The following ENTREP2 variants were observed in gnomAD, a reference collection of about 807,000 sequenced individuals.
ENTREP2 encodes the protein endosomal transmembrane epsin interactor 2, also known as protein ENTREP2.
the ENTREP2 span, among the ~76,000 whole-genome samples, chr15:29,369,987 T>G: frequency 6.6e-6 from 1 of 152,338 alleles, no homozygotes; most frequent in Admixed American, 6.5e-5. Flanking sequence ...GGAGATGCGA[T>G]TGTCCAATCT....
chr15:29,165,606 ATAAC>A, the ENTREP2 span, among the ~76,000 whole-genome samples: 9 of 152,330 alleles, frequency 5.9e-5, no homozygotes, highest in African/African-American at 2.2e-4. Flanking sequence ...CTGGAAAGAT[ATAAC>A]CCTCCTAGCT....
chr15:29,590,144 G>A, the ENTREP2 span, among the ~76,000 whole-genome samples: 1 of 152,168 alleles, frequency 6.6e-6, no homozygotes, highest in Non-Finnish European at 1.5e-5. Context: ...GTGTTGGAAT[G>A]GGAAGAAGGC....
the ENTREP2 span, among the ~76,000 whole-genome samples, chr15:29,556,244 G>A: frequency 6.6e-6 from 1 of 152,162 alleles, no homozygotes; most frequent in African/African-American, 2.4e-5. Flanking sequence ...GCTGTAGAGA[G>A]AGACCCTGTT....
chr15:29,517,569 A>C, the ENTREP2 span, among the ~76,000 whole-genome samples: 1 of 152,170 alleles, frequency 6.6e-6, no homozygotes, highest in Non-Finnish European at 1.5e-5. Flanking sequence ...AGCCTTTTCT[A>C]CTTGACTGTG....
the ENTREP2 span, chr15:29,137,060 G>T: frequency 6.9e-7 from 1 of 1,453,808 alleles, no homozygotes; most frequent in South Asian, 1.5e-5. Flanking sequence ...ACGGTGTGCA[G>T]GTGTACTCTG....
At chr15:29,637,295 C>T in the ENTREP2 span, among the ~76,000 whole-genome samples, 38 of 152,272 alleles carry the variant, frequency 2.5e-4, no homozygotes, top group East Asian at 7.1e-3. Context: ...GTGGCAATGA[C>T]CACTTGGGTG....
chr15:29,281,535 C>A, the ENTREP2 span, among the ~76,000 whole-genome samples: 1 of 152,172 alleles, frequency 6.6e-6, no homozygotes, highest in African/African-American at 2.4e-5. Flanking sequence ...CAAGCAGGGG[C>A]AACTGTCTCA....
the ENTREP2 span, among the ~76,000 whole-genome samples, chr15:29,608,941 T>C: frequency 6.6e-6 from 1 of 152,104 alleles, no homozygotes; most frequent in African/African-American, 2.4e-5. Context: ...CACCTGCTCG[T>C]CTCGAATTGG....
chr15:29,664,282 G>A, the ENTREP2 span, among the ~76,000 whole-genome samples: 1 of 152,128 alleles, frequency 6.6e-6, no homozygotes, highest in African/African-American at 2.4e-5. Context: ...GTGCACTCTG[G>A]TCTGTGGTCA....
chr15:29,304,266 T>C, the ENTREP2 span, among the ~76,000 whole-genome samples: 1 of 152,272 alleles, frequency 6.6e-6, no homozygotes, highest in African/African-American at 2.4e-5. Context: ...ATTTGGGACC[T>C]GAACTTGACA....
At chr15:29,148,853 G>A in the ENTREP2 span, among the ~76,000 whole-genome samples, 1 of 151,640 alleles carries the variant, frequency 6.6e-6, no homozygotes, top group Non-Finnish European at 1.5e-5. Flanking sequence ...CAATGTGTAT[G>A]TGGACTCCCT....
chr15:29,381,138 C>T, the ENTREP2 span, among the ~76,000 whole-genome samples: 3 of 150,606 alleles, frequency 2.0e-5, no homozygotes, highest in Non-Finnish European at 4.4e-5. Flanking sequence ...GCGTCAGCTG[C>T]GCCAAGCCGC....
chr15:29,554,449 G>C, the ENTREP2 span, among the ~76,000 whole-genome samples: 4 of 151,966 alleles, frequency 2.6e-5, no homozygotes, highest in Admixed American at 6.6e-5. Flanking sequence ...AAGGAGAGCC[G>C]AAGGGGATTG....
At chr15:29,575,548 T>C in the ENTREP2 span, among the ~76,000 whole-genome samples, 1 of 152,132 alleles carries the variant, frequency 6.6e-6, no homozygotes, top group East Asian at 1.9e-4. Flanking sequence ...GACATCCAAA[T>C]TGTAAAGGAA....
chr15:29,556,794 C>A, the ENTREP2 span, among the ~76,000 whole-genome samples: 1 of 133,662 alleles, frequency 7.5e-6, no homozygotes, highest in African/African-American at 2.9e-5. Flanking sequence ...GGATTCAGTT[C>A]CCCACCTGTG....
chr15:29,646,157 G>A, the ENTREP2 span, among the ~76,000 whole-genome samples: 1 of 152,172 alleles, frequency 6.6e-6, no homozygotes, highest in Non-Finnish European at 1.5e-5. Context: ...ATCATTGATT[G>A]TGTTAGCTTT....
the ENTREP2 span, among the ~76,000 whole-genome samples, chr15:29,406,484 G>C: frequency 7.9e-5 from 12 of 152,112 alleles, no homozygotes; most frequent in South Asian, 2.1e-3. Context: ...GGAGGCAAAG[G>C]TTGCAGTGAG....
At chr15:29,144,439 TA>T in the ENTREP2 span, among the ~76,000 whole-genome samples, 1 of 152,172 alleles carries the variant, frequency 6.6e-6, no homozygotes, top group East Asian at 1.9e-4. Flanking sequence ...ATCAAATATT[TA>T]AAGAAGGGCC....
chr15:29,199,217 C>G, the ENTREP2 span, among the ~76,000 whole-genome samples: 1 of 152,106 alleles, frequency 6.6e-6, no homozygotes, highest in Admixed American at 6.5e-5. Context: ...CAGCACTGTT[C>G]GAGGGTCCCC....
Sources: gnomAD v4.1 joint callset for allele counts (sites outside exome capture counted in the v4.1 genomes callset) on GRCh38, gnomAD v4.1.1 for gene constraint, MANE v1.5 for transcripts, NCBI Gene and HGNC (gene_info 2026-07-23, HGNC 2026-07-21) for gene names.